The following SLC24A2 variants were observed in gnomAD, a reference collection of about 807,000 sequenced individuals.
The protein encoded by SLC24A2 is sodium/potassium/calcium exchanger 2.
In SLC24A2, 36 loss-of-function variants were observed where a neutral mutation model predicts 62.0. That is an observed-to-expected ratio of 0.58 (90% CI 0.44 to 0.77). The LOEUF (loss-of-function observed/expected upper bound fraction) is 0.77, where lower values mean the gene tolerates loss of function less well. SLC24A2 is among the 30% of genes least tolerant of loss of function. The probability of loss-of-function intolerance (pLI) is 0.00; values close to 1 mark genes in which losing one functional copy is unlikely to be tolerated. For missense variants in SLC24A2, 846 were observed against 817.9 expected (o/e 1.03, Z -0.42); for synonymous variants, 358 against 294.0 (o/e 1.22, Z -2.23).
chr9:20,294,966 T>TATAA, the SLC24A2 span, among the ~76,000 whole-genome samples: 23 of 151,708 alleles, frequency 1.5e-4, no homozygotes, highest in African/African-American at 4.1e-4. Flanking sequence ...TTAGATCAGG[T>TATAA]ATAAATAAAT....
At chr9:19,519,686 A>AC (rs1331925636) in intron 10 of SLC24A2, among the ~76,000 whole-genome samples, 1 of 152,200 alleles carries the variant, frequency 6.6e-6, no homozygotes, top group African/African-American at 2.4e-5. Flanking sequence ...ATATACCAGG[A>AC]CAAGAGTAAG....
At chr9:19,565,253 C>A (rs530314708) in intron 7 of SLC24A2, among the ~76,000 whole-genome samples, 1 of 151,472 alleles carries the variant, frequency 6.6e-6, no homozygotes, top group East Asian at 1.9e-4. Flanking sequence ...AGCTGATAAG[C>A]AACTTCAGCA....
At chr9:20,060,313 G>A in the SLC24A2 span, among the ~76,000 whole-genome samples, 1 of 152,048 alleles carries the variant, frequency 6.6e-6, no homozygotes, top group Non-Finnish European at 1.5e-5. Context: ...CAAAAAGCCA[G>A]CTTTATTCCT....
the SLC24A2 span, among the ~76,000 whole-genome samples, chr9:19,913,999 G>A: frequency 6.6e-6 from 1 of 151,716 alleles, no homozygotes; most frequent in African/African-American, 2.4e-5. Flanking sequence ...GATCAGCGGT[G>A]GTATGCCCAA....
At chr9:20,281,870 C>A in the SLC24A2 span, among the ~76,000 whole-genome samples, 2 of 152,096 alleles carry the variant, frequency 1.3e-5, no homozygotes, top group African/African-American at 4.8e-5. Context: ...AAAATATGAA[C>A]AACGTACATT....
At chr9:19,889,131 C>T in the SLC24A2 span, among the ~76,000 whole-genome samples, 2 of 152,194 alleles carry the variant, frequency 1.3e-5, no homozygotes, top group Non-Finnish European at 2.9e-5. Flanking sequence ...TTGGCTGCTG[C>T]TTCTCTTCTA....
the SLC24A2 span, among the ~76,000 whole-genome samples, chr9:20,035,149 C>G: frequency 6.6e-6 from 1 of 152,186 alleles, no homozygotes; most frequent in Non-Finnish European, 1.5e-5. Flanking sequence ...CTAATTTTTA[C>G]TGACATTAGG....
At chr9:19,781,171 T>C (rs1278094507) in intron 2 of SLC24A2, among the ~76,000 whole-genome samples, 1 of 152,046 alleles carries the variant, frequency 6.6e-6, no homozygotes, top group Non-Finnish European at 1.5e-5. Context: ...AGGTTGAAAA[T>C]AAAAGGATGG....
At chr9:19,948,891 G>A in the SLC24A2 span, among the ~76,000 whole-genome samples, 148 of 151,844 alleles carry the variant, frequency 9.7e-4, no homozygotes, top group African/African-American at 3.5e-3. Context: ...ACAAAAGGTG[G>A]GGTCTCAGAG....
the SLC24A2 span, among the ~76,000 whole-genome samples, chr9:20,057,572 T>C: frequency 6.6e-6 from 1 of 152,222 alleles, no homozygotes; most frequent in African/African-American, 2.4e-5. Flanking sequence ...CCCATCAGCC[T>C]CATGAGCTAT....
chr9:19,562,010 C>A (rs1341691036), intron 7 of SLC24A2, among the ~76,000 whole-genome samples: 2 of 152,110 alleles, frequency 1.3e-5, no homozygotes, highest in Non-Finnish European at 2.9e-5. Flanking sequence ...GGCCAAGAAA[C>A]CATTCTGTAA....
intron 2 of SLC24A2, among the ~76,000 whole-genome samples, chr9:19,667,575 G>C (rs1216227188): frequency 1.3e-4 from 20 of 151,952 alleles, no homozygotes; most frequent in Non-Finnish European, 1.2e-4. Context: ...TCTAGTCTTG[G>C]AGCTCTCCCA....
chr9:19,571,503 T>C (rs904467429), intron 7 of SLC24A2, among the ~76,000 whole-genome samples: 2 of 152,140 alleles, frequency 1.3e-5, no homozygotes, highest in Non-Finnish European at 2.9e-5. Context: ...GGAAGTTCTG[T>C]CTAGAGAGTG....
chr9:20,061,978 G>A, the SLC24A2 span, among the ~76,000 whole-genome samples: 1 of 152,172 alleles, frequency 6.6e-6, no homozygotes, highest in Non-Finnish European at 1.5e-5. Context: ...GCTCACACCT[G>A]TAATCCCAGT....
chr9:19,971,776 T>C, the SLC24A2 span, among the ~76,000 whole-genome samples: 49 of 152,236 alleles, frequency 3.2e-4, no homozygotes, highest in African/African-American at 1.1e-3. Flanking sequence ...ATGATGATGA[T>C]GATGACGATG....
intron 2 of SLC24A2, among the ~76,000 whole-genome samples, chr9:19,723,392 G>C (rs79880074): frequency 0.012 from 1,754 of 152,066 alleles, 17 homozygotes; most frequent in Non-Finnish European, 0.016. Flanking sequence ...AGGACATCTG[G>C]TACTCTCACC....
chr9:19,670,147 A>G (rs1320611298), intron 2 of SLC24A2, among the ~76,000 whole-genome samples: 5 of 152,198 alleles, frequency 3.3e-5, no homozygotes, highest in African/African-American at 7.2e-5. Flanking sequence ...TGTGGCACCA[A>G]TGGAAGCCAT....
chr9:20,220,620 GGTTT>G, the SLC24A2 span, among the ~76,000 whole-genome samples: 1 of 152,124 alleles, frequency 6.6e-6, no homozygotes, highest in Non-Finnish European at 1.5e-5. Context: ...GCAGTTGGTT[GGTTT>G]GTTTGTTTAT....
At chr9:19,568,210 C>T (rs1022319266) in intron 7 of SLC24A2, among the ~76,000 whole-genome samples, 1 of 152,200 alleles carries the variant, frequency 6.6e-6, no homozygotes, top group African/African-American at 2.4e-5. Context: ...GATCATCCCG[C>T]GTTCACATTT....
Sources: gnomAD v4.1 joint callset for allele counts (sites outside exome capture counted in the v4.1 genomes callset) on GRCh38, gnomAD v4.1.1 for gene constraint, MANE v1.5 for transcripts, NCBI Gene and HGNC (gene_info 2026-07-23, HGNC 2026-07-21) for gene names.